The following BCL11A variants were observed in gnomAD, a reference collection of about 807,000 sequenced individuals.
The protein encoded by BCL11A is BCL11 transcription factor A, also known as B cell CLL/lymphoma 11A.
In BCL11A, 2 loss-of-function variants were observed where a neutral mutation model predicts 55.9. That is an observed-to-expected ratio of 0.04 (90% CI 0.01 to 0.11). The LOEUF (loss-of-function observed/expected upper bound fraction) is 0.11, where lower values mean the gene tolerates loss of function less well. Ranked by LOEUF, BCL11A falls within the 10% of genes least tolerant of loss-of-function variation. The pLI is 1.00. For synonymous variants in BCL11A, 465 were observed against 473.4 expected (o/e 0.98, Z 0.23); for missense variants, 817 against 1,137.1 (o/e 0.72, Z 4.05).
rs1379385256 is a variant in BCL11A, at chr2:60,546,923, A to G, written c.56-623T>C. ...AATAAGAAAACGACTGCATGCACCTATGAAACGGATCTAAATAATAATCAT... is the reference window on the plus strand; with the variant it reads ...AATAAGAAAACGACTGCATGCACCTGTGAAACGGATCTAAATAATAATCAT... On this transcript the variant is annotated intron_variant, in intron 1 of 3. Transcript: ENST00000642384. The surrounding 1 kb of genome is among the most constrained non-coding windows in gnomAD (Gnocchi z 4.1). Among the ~76,000 whole-genome samples the G allele has an allele frequency of 6.6e-6, 1 of 152,220 alleles. No homozygotes were observed. The highest frequency in any genetic ancestry group is 2.4e-5 in the African/African-American group (1 of 41,460).
intron 2 of BCL11A, among the ~76,000 whole-genome samples, chr2:60,492,758 A>T (rs1383678902): frequency 6.6e-6 from 1 of 152,234 alleles, no homozygotes; most frequent in African/African-American, 2.4e-5. Flanking sequence ...CCAAACAGTT[A>T]AAGGTTACAG....
chr2:60,510,788 C>T (rs1679935689), intron 2 of BCL11A, among the ~76,000 whole-genome samples: 1 of 152,230 alleles, frequency 6.6e-6, no homozygotes, highest in Non-Finnish European at 1.5e-5. Flanking sequence ...GGCAGCCCAA[C>T]CTGGGGGCAC....
chr2:60,466,242 C>T (rs1276397571), intron 3 of BCL11A, among the ~76,000 whole-genome samples: 5 of 151,878 alleles, frequency 3.3e-5, no homozygotes, highest in East Asian at 3.9e-4. Flanking sequence ...GGCTGAAGAC[C>T]GAGAACTATG....
At chr2:60,540,903 CACA>C (rs1313301952) in intron 2 of BCL11A, among the ~76,000 whole-genome samples, 3 of 150,658 alleles carry the variant, frequency 2.0e-5, no homozygotes, top group African/African-American at 7.3e-5. Context: ...CAACTTGCAA[CACA>C]ACAAGGAATG....
At chr2:60,521,087 A>T (rs1422087019) in intron 2 of BCL11A, among the ~76,000 whole-genome samples, 1 of 79,998 alleles carries the variant, frequency 1.3e-5, no homozygotes, top group Non-Finnish European at 3.0e-5. Flanking sequence ...ACACACACAC[A>T]CACACACACA....
Position 60,461,464 on chromosome 2 carries a change from C to G in BCL11A, c.1448G>C (p.Gly483Ala). The change falls in exon 4 of 4, where the codon GGG becomes GCG. Residue 483 changes from glycine (G) to alanine (A), a missense_variant. Physicochemically the swap from Gly to Ala is moderately conservative, Grantham distance 60. Coordinates refer to ENST00000642384, the MANE Select transcript of BCL11A (RefSeq NM_022893.4). ...ENDPNLIPEN[G>A]DEEEEEDDEE... is the part of the protein sequence containing the mutation. ...GTCGTCCTCCTCTTCCTCCTCGTCC[C>G]CGTTCTCCGGGATCAGGTTGGGGTC... 1 of 1,604,546 alleles carries G rather than the reference C, an allele frequency of 6.2e-7. No homozygotes were observed. The highest frequency in any genetic ancestry group is 8.5e-7 in the Non-Finnish European group (1 of 1,179,638).
chr2:60,524,988 T>C (rs1669146084), intron 2 of BCL11A: 1 of 152,210 alleles, frequency 6.6e-6, no homozygotes, highest in Non-Finnish European at 1.5e-5. Context: ...AAGAACATTT[T>C]CCCTCAATTT....
chr2:60,518,197 T>C (rs1668819922), intron 2 of BCL11A, among the ~76,000 whole-genome samples: 1 of 152,162 alleles, frequency 6.6e-6, no homozygotes, highest in Admixed American at 6.5e-5. Flanking sequence ...AATATAAAAT[T>C]TGGCCCAGTT....
At position 60,458,161 on chromosome 2, in the gene BCL11A, A is replaced by G. The variant is rs1249542150; in HGVS notation, c.*2243T>C. The stretch of plus-strand genomic sequence containing the variant: ...TAGATGAACATTTAATTCAAATACC[A>G]TTCTAGAAATACAGAAAAAAGACCA... On this transcript the variant is annotated 3_prime_UTR_variant, in exon 4 of 4. Transcript: ENST00000642384. The G allele has an allele frequency of 9.7e-7, 1 of 1,025,834 alleles. No homozygotes were observed. Among genetic ancestry groups the G allele is most frequent in the Non-Finnish European group, 1.2e-6 (1 of 853,034 alleles). The allele number at this position is 1,025,834 out of a possible 1,614,324, so 63.5% of individuals were successfully genotyped here. A position where few individuals can be genotyped will look rare whatever the true frequency, so the allele number is the denominator to read the frequency against.
In BCL11A at chr2:60,461,406, CTCCTCCTCT is replaced by C. The variant is rs1676275639; in HGVS notation, c.1497_1505del (p.Glu502_Glu504del). 5.0e-6 allele frequency: 8 copies of C among 1,605,422 alleles called. No individual in the cohort carries two copies. Among genetic ancestry groups the C allele is most frequent in the Non-Finnish European group, 5.9e-6 (7 of 1,178,786 alleles). On this transcript the variant is annotated inframe_deletion, in exon 4 of 4. Coordinates refer to ENST00000642384, the MANE Select transcript of BCL11A (RefSeq NM_022893.4). ...CCCTCTCGCTCTCCGTCAGCTCCTC[CTCCTCCTCT>C]TCCTCCTCTTCTTCCTCTTCCTCGT...
chr2:60,542,388 AT>A (rs1245941328), intron 2 of BCL11A: 4 of 152,322 alleles, frequency 2.6e-5, no homozygotes, highest in African/African-American at 7.2e-5. Context: ...TTCCATGAAT[AT>A]TTCCCCCCAT....
chr2:60,481,267 G>A (rs45564436), intron 2 of BCL11A, among the ~76,000 whole-genome samples: 10,681 of 152,126 alleles, frequency 0.07, 505 homozygotes, highest in Non-Finnish European at 0.11. Context: ...ACCCATCTCT[G>A]CTTGGGACAT....
At chr2:60,465,825 A>G (rs1676570965) in intron 3 of BCL11A, among the ~76,000 whole-genome samples, 1 of 152,200 alleles carries the variant, frequency 6.6e-6, no homozygotes, top group Admixed American at 6.5e-5. Flanking sequence ...AGGGGTGATT[A>G]ATTACTGAGG....
At position 60,501,374 on chromosome 2, in the gene BCL11A, G is replaced by A. The variant is rs183506795; in HGVS notation, c.386-32541C>T. On this transcript the variant is annotated intron_variant, in intron 2 of 3. Transcript: ENST00000642384. ...TGTCACAGGAAGCCATGGTCCTTTG[G>A]GGGAAATGAAGAACACTCTTGTAAT... 1.4e-3 allele frequency among the ~76,000 whole-genome samples: 218 copies of A among 152,216 alleles called. 6 individuals carry two copies. The highest frequency in any genetic ancestry group is 0.013 in the Admixed American group (202 of 15,292).
At chr2:60,482,019 G>C (rs1039050472) in intron 2 of BCL11A, among the ~76,000 whole-genome samples, 27 of 152,182 alleles carry the variant, frequency 1.8e-4, no homozygotes, top group African/African-American at 6.3e-4. Context: ...TTTCCCAGTG[G>C]AGGGCTTGTT....
At chr2:60,454,487 GTACATT>G (rs1675858549), downstream of BCL11A, among the ~76,000 whole-genome samples, 1 of 152,052 alleles carries the variant, frequency 6.6e-6, no homozygotes, top group Non-Finnish European at 1.5e-5. Flanking sequence ...AATGGGATGG[GTACATT>G]CCTGAACACA....
At chr2:60,503,410 T>A (rs1679405362) in intron 2 of BCL11A, among the ~76,000 whole-genome samples, 1 of 152,216 alleles carries the variant, frequency 6.6e-6, no homozygotes, top group Admixed American at 6.5e-5. Flanking sequence ...GCCAGACATG[T>A]CCCTGGAAGA....
At chr2:60,482,741 A>G (rs1319382400) in intron 2 of BCL11A, among the ~76,000 whole-genome samples, 1 of 152,236 alleles carries the variant, frequency 6.6e-6, no homozygotes, top group Non-Finnish European at 1.5e-5. Context: ...CAAAAATTCT[A>G]TTTTGAAGGA....
chr2:60,467,126 G>GTGGTGGTGGTGGTGGTGGTGA (rs1676680414), intron 3 of BCL11A, among the ~76,000 whole-genome samples: 2 of 133,704 alleles, frequency 1.5e-5, no homozygotes, highest in African/African-American at 5.8e-5. Flanking sequence ...GGTGGTGGTG[G>GTGGTGGTGGTGGTGGTGGTGA]TGATGGTGGT....
Sources: gnomAD v4.1 joint callset for allele counts (sites outside exome capture counted in the v4.1 genomes callset) on GRCh38, gnomAD v4.1.1 for gene constraint, Gnocchi (gnomAD v3.1) non-coding constraint, MANE v1.5 for transcripts, NCBI Gene and HGNC (gene_info 2026-07-23, HGNC 2026-07-21) for gene names.